The following SLC25A16 variants were observed in gnomAD, a reference collection of about 807,000 sequenced individuals.
SLC25A16 encodes mitochondrial coenzyme A transporter SLC25A16.
SLC25A16 carries 39 observed loss-of-function variants against 41.5 expected under a neutral mutation model. The observed-to-expected ratio is 0.94, with a 90% confidence interval of 0.73 to 1.23. The LOEUF (loss-of-function observed/expected upper bound fraction) is 1.23, where lower values mean the gene tolerates loss of function less well. Ranked by LOEUF, SLC25A16 falls within the 50% of genes most tolerant of loss-of-function variation. SLC25A16 has a pLI of 0.00. For missense variants in SLC25A16, 421 were observed against 426.9 expected, an observed-to-expected ratio of 0.99 and a Z score of 0.12; for synonymous variants, 146 against 147.8, an observed-to-expected ratio of 0.99 and a Z score of 0.09.
At chr10:68,510,270 G>A (rs1051868519) in intron 2 of SLC25A16, among the ~76,000 whole-genome samples, 1 of 151,890 alleles carries the variant, frequency 6.6e-6, no homozygotes, top group Non-Finnish European at 1.5e-5. Flanking sequence ...AGTGGCTGAC[G>A]CCTGTAATCC....
chr10:68,504,074 G>A (rs2133549662), intron 3 of SLC25A16, among the ~76,000 whole-genome samples: 1 of 134,034 alleles, frequency 7.5e-6, no homozygotes, highest in South Asian at 2.4e-4. Flanking sequence ...GTCCCAGGCT[G>A]GATTGCAGTG....
At chr10:68,493,297 G>T in intron 5 of SLC25A16, 99 bp from the exon 6 acceptor site, 1 of 1,114,346 alleles carries the variant, frequency 9.0e-7, no homozygotes, top group Non-Finnish European at 1.3e-6. Flanking sequence ...ATTATTCAGG[G>T]ATCCACCCTG....
At chr10:68,511,984 G>T (rs183961843) in intron 2 of SLC25A16, among the ~76,000 whole-genome samples, 1 of 152,022 alleles carries the variant, frequency 6.6e-6, no homozygotes, top group African/African-American at 2.4e-5. Context: ...AGCCTCCTTA[G>T]TAGCTGGGAT....
chr10:68,487,018 C>G (rs1220285521), intron 8 of SLC25A16, 126 bp downstream of exon 8: 5 of 491,202 alleles, frequency 1.0e-5, no homozygotes, highest in Admixed American at 9.0e-5. Flanking sequence ...TATAAAGTTA[C>G]CAAAATAAAC....
chr10:68,507,070 C>CTTTTTTTT (rs71019019), intron 2 of SLC25A16, among the ~76,000 whole-genome samples: 2 of 115,632 alleles, frequency 1.7e-5, no homozygotes, highest in African/African-American at 6.5e-5. Flanking sequence ...ATGACCTACT[C>CTTTTTTTT]TTTTTTTTTT....
At chr10:68,514,139 G>A (rs2795888) in intron 2 of SLC25A16, among the ~76,000 whole-genome samples, 7,832 of 152,154 alleles carry the variant, frequency 0.051, 238 homozygotes, top group South Asian at 0.09. Context: ...GTTTCAATGA[G>A]CCAAGATCAT....
intron 1 of SLC25A16, among the ~76,000 whole-genome samples, chr10:68,521,336 G>A (rs909066563): frequency 8.5e-5 from 13 of 152,136 alleles, no homozygotes; most frequent in Non-Finnish European, 1.5e-4. Context: ...CTCAGTTCGA[G>A]ACCAGCCTGG....
chr10:68,513,885 G>GA (rs1161651569), intron 2 of SLC25A16, among the ~76,000 whole-genome samples: 7 of 138,620 alleles, frequency 5.0e-5, no homozygotes, highest in African/African-American at 1.4e-4. Flanking sequence ...ATCTCAGAAA[G>GA]AAAAAAAAAG....
intron 3 of SLC25A16, among the ~76,000 whole-genome samples, chr10:68,504,855 T>G (rs933506800): frequency 8.5e-5 from 13 of 152,062 alleles, no homozygotes; most frequent in African/African-American, 3.1e-4. Context: ...TAATTTTGTA[T>G]TTTTAGTAGA....
At chr10:68,521,037 G>C (rs1273467670) in intron 1 of SLC25A16, among the ~76,000 whole-genome samples, 3 of 151,900 alleles carry the variant, frequency 2.0e-5, no homozygotes, top group Non-Finnish European at 4.4e-5. Context: ...GGGAGGCTGA[G>C]GCAGGAGAAT....
chr10:68,502,880 A>G (rs1273807806), intron 4 of SLC25A16, among the ~76,000 whole-genome samples: 3 of 13,252 alleles, frequency 2.3e-4, no homozygotes, highest in African/African-American at 7.4e-4. Context: ...AGGGGAGGGG[A>G]AAGGAGGGGG....
At chr10:68,489,510 A>T (rs899034604) in intron 6 of SLC25A16, among the ~76,000 whole-genome samples, 9 of 152,188 alleles carry the variant, frequency 5.9e-5, no homozygotes, top group South Asian at 2.1e-4. Flanking sequence ...AAGGTTGTTT[A>T]TTAATAAAAT....
rs2053358694 is a variant in SLC25A16 at position 68,527,476 on chromosome 10, G to C, written c.-101C>G. On this transcript the variant is annotated 5_prime_UTR_variant, in exon 1 of 9. Coordinates refer to ENST00000609923, the MANE Select transcript of SLC25A16 (RefSeq NM_152707.4). ...GTGACAGGAGGCTGACCGCCCCGCC[G>C]GCGGGGCAAAGTAACACCCGGCGGC... 5 of 1,235,458 alleles carry C rather than the reference G, an allele frequency of 4.0e-6. No individual in the cohort carries two copies. The highest frequency in any genetic ancestry group is 5.3e-6 in the Non-Finnish European group (5 of 938,742). 76.5% of individuals were successfully genotyped at this position (1,235,458 alleles called of 1,614,324 possible).
rs1296381254 is a variant in SLC25A16, at chr10:68,481,953, C to T, written c.*1479G>A. Reference sequence around the variant, plus strand: ...AAAGGGCCGGGCGCCGTGGCTCACGCCAGTAATCTCAGCACTTTGGGAGAC... The same window carrying T: ...AAAGGGCCGGGCGCCGTGGCTCACGTCAGTAATCTCAGCACTTTGGGAGAC... On this transcript the variant is annotated 3_prime_UTR_variant, in exon 9 of 9. Transcript: ENST00000609923. 1 of 152,198 alleles carries T rather than the reference C, an allele frequency of 6.6e-6. No homozygotes were observed. The highest frequency in any genetic ancestry group is 6.6e-5 in the Admixed American group (1 of 15,254). 9.4% of individuals were successfully genotyped at this position (152,198 alleles called of 1,614,324 possible). A position where few individuals can be genotyped will look rare whatever the true frequency, so the allele number is the denominator to read the frequency against.
rs1307483290 is a variant in SLC25A16, at chr10:68,503,776, CAA to C, written c.358-83_358-82del. 4.7e-6 allele frequency: 4 copies of C among 857,938 alleles called. No individual in the cohort carries two copies. In the African/African-American group the frequency reaches 6.8e-5, roughly 15 times the overall value. The allele number at this position is 857,938 out of a possible 1,614,324, so 53.1% of individuals were successfully genotyped here. Reference sequence around the variant, plus strand: ...ACTGTTTAATAATGAAGATTTATTTCAAGAGTTACAGGACTAATAAAAAGGAA... The same window carrying C: ...ACTGTTTAATAATGAAGATTTATTTCGAGTTACAGGACTAATAAAAAGGAA... On this transcript the variant is annotated intron_variant, in intron 3 of 8. Coordinates refer to ENST00000609923, the MANE Select transcript of SLC25A16 (RefSeq NM_152707.4).
At chr10:68,493,028 T>A in intron 6 of SLC25A16, 104 bp downstream of exon 6, 1 of 707,556 alleles carries the variant, frequency 1.4e-6, no homozygotes. Context: ...TTATTAAAAG[T>A]ACTTAACAGA....
Position 68,527,391 on chromosome 10 carries a change from G to A in SLC25A16, c.-16C>T. ...CCGCCGCCATCAGGACCAGGGTCGC[G>A]TCAGGAGCCTAGGTTGCCAACTTAC... On this transcript the variant is annotated 5_prime_UTR_variant, in exon 1 of 9. In the 5' UTR this introduces an upstream ATG that the reference lacks. Coordinates refer to ENST00000609923, the MANE Select transcript of SLC25A16 (RefSeq NM_152707.4). The A allele has an allele frequency of 6.8e-7, 1 of 1,469,628 alleles. No individual in the cohort carries two copies. The allele number at this position is 1,469,628 out of a possible 1,614,324, so 91.0% of individuals were successfully genotyped here.
At chr10:68,521,751 G>A (rs1302884231) in intron 1 of SLC25A16, among the ~76,000 whole-genome samples, 3 of 151,310 alleles carry the variant, frequency 2.0e-5, no homozygotes, top group South Asian at 2.1e-4. Flanking sequence ...CCGCCACTAC[G>A]CCCGGCTAAT....
chr10:68,487,091 G>T, intron 8 of SLC25A16, 53 bp downstream of exon 8: 1 of 1,401,894 alleles, frequency 7.1e-7, no homozygotes. Flanking sequence ...TCCTTACTGA[G>T]TTTAATGTTA....
Sources: gnomAD v4.1 joint callset for allele counts (sites outside exome capture counted in the v4.1 genomes callset) on GRCh38, gnomAD v4.1.1 for gene constraint, MANE v1.5 for transcripts, NCBI Gene and HGNC (gene_info 2026-07-23, HGNC 2026-07-21) for gene names.